Variants in MEI4 observed in about 807,000 individuals in gnomAD.
MEI4 encodes the protein meiotic double-stranded break formation protein 4.
Under a neutral mutation model 31.4 loss-of-function variants are expected in MEI4, and 27 were observed. The ratio of observed to expected loss-of-function variants is 0.86; its 90% confidence interval spans 0.63 to 1.19. The LOEUF (loss-of-function observed/expected upper bound fraction) is 1.19. Ranked by LOEUF, MEI4 falls within the 50% of genes most tolerant of loss-of-function variation. The probability of loss-of-function intolerance (pLI) is 0.00; values close to 1 mark genes in which losing one functional copy is unlikely to be tolerated. For missense variants in MEI4, 329 were observed against 398.9 expected (o/e 0.82, Z 1.49); for synonymous variants, 122 against 145.4 (o/e 0.84, Z 1.16).
chr6:77,867,624 T>G (rs971030215), intron 4 of MEI4, among the ~76,000 whole-genome samples: 34 of 152,038 alleles, frequency 2.2e-4, no homozygotes, highest in African/African-American at 7.0e-4. Flanking sequence ...TGGTGGTACT[T>G]TAAACTAGTT....
chr6:77,908,550 G>T (rs1766353523), intron 4 of MEI4, among the ~76,000 whole-genome samples: 1 of 152,048 alleles, frequency 6.6e-6, no homozygotes, highest in African/African-American at 2.4e-5. Flanking sequence ...GGTTACTGTA[G>T]CCTTGTAGTA....
At chr6:77,802,245 G>T (rs192705994) in intron 3 of MEI4, among the ~76,000 whole-genome samples, 1 of 152,042 alleles carries the variant, frequency 6.6e-6, no homozygotes. Context: ...TGTCTCTTTT[G>T]ATCTTTGTTG....
intron 2 of MEI4, among the ~76,000 whole-genome samples, chr6:77,728,702 G>A (rs968739654): frequency 1.3e-5 from 2 of 152,270 alleles, no homozygotes; most frequent in Non-Finnish European, 2.9e-5. Flanking sequence ...TGAAGGAGTG[G>A]AGCCATCCAG....
rs544758825 is a variant in MEI4, at chr6:77,811,035, T to G, written c.769-17896T>G. Among the ~76,000 whole-genome samples the G allele has an allele frequency of 3.3e-5, 5 of 152,220 alleles. No homozygotes were observed. In the South Asian group the frequency reaches 1.0e-3, roughly 31 times the overall value. ...ATTTAATTAAAACTCAATTGCAGTC[T>G]AATTTTCTTTTAACATTTGATTAAA... On this transcript the variant is annotated intron_variant, in intron 3 of 4. Coordinates refer to ENST00000684080, the MANE Select transcript of MEI4 (RefSeq NM_001322247.2).
chr6:77,704,036 A>C (rs888209998), intron 2 of MEI4, among the ~76,000 whole-genome samples: 1 of 152,194 alleles, frequency 6.6e-6, no homozygotes, highest in Non-Finnish European at 1.5e-5. Context: ...AGAGGATAAC[A>C]AAAGAATCAT....
intron 4 of MEI4, among the ~76,000 whole-genome samples, chr6:77,862,246 G>A (rs530447049): frequency 4.6e-5 from 7 of 152,230 alleles, no homozygotes; most frequent in South Asian, 2.1e-4. Flanking sequence ...TGGGTGCAGC[G>A]CACTGAGCAT....
intron 2 of MEI4, among the ~76,000 whole-genome samples, chr6:77,698,292 G>C (rs1332847793): frequency 6.6e-6 from 1 of 152,152 alleles, no homozygotes; most frequent in African/African-American, 2.4e-5. Context: ...TGTTATGTGT[G>C]AATTTGATCC....
intron 3 of MEI4, among the ~76,000 whole-genome samples, chr6:77,780,438 C>T (rs570405304): frequency 1.2e-4 from 19 of 152,280 alleles, no homozygotes; most frequent in South Asian, 1.0e-3. Context: ...AGTCAGGGCA[C>T]GGCTGCCACA....
At chr6:77,876,781 A>T (rs955924649) in intron 4 of MEI4, among the ~76,000 whole-genome samples, 5 of 152,180 alleles carry the variant, frequency 3.3e-5, no homozygotes, top group Non-Finnish European at 7.3e-5. Context: ...AAACCCATTA[A>T]AAATATTAAT....
At chr6:77,842,715 A>C (rs573534461) in intron 4 of MEI4, among the ~76,000 whole-genome samples, 10 of 152,182 alleles carry the variant, frequency 6.6e-5, no homozygotes, top group Admixed American at 2.6e-4. Flanking sequence ...AAGAAAGAAA[A>C]GGTACAACTT....
chr6:77,801,417 G>A (rs1769254255), intron 3 of MEI4, among the ~76,000 whole-genome samples: 1 of 151,978 alleles, frequency 6.6e-6, no homozygotes, highest in Admixed American at 6.6e-5. Flanking sequence ...TGTCAATTTT[G>A]TTGCTCTTTT....
chr6:77,713,459 T>C (rs375112531), intron 2 of MEI4, among the ~76,000 whole-genome samples: 9 of 152,220 alleles, frequency 5.9e-5, no homozygotes, highest in African/African-American at 1.9e-4. Context: ...AAGTAGATTA[T>C]GTTGTGGAAA....
chr6:77,739,740 A>T (rs2127672171), intron 2 of MEI4, among the ~76,000 whole-genome samples: 2 of 152,018 alleles, frequency 1.3e-5, no homozygotes, highest in Middle Eastern at 6.8e-3. Context: ...AAAAAAAAAA[A>T]TAGGAAAACC....
intron 2 of MEI4, among the ~76,000 whole-genome samples, chr6:77,732,928 T>G (rs1418308875): frequency 6.6e-6 from 1 of 151,004 alleles, no homozygotes; most frequent in East Asian, 2.2e-4. Context: ...GCTGGTTACA[T>G]TTATTGATTT....
chr6:77,694,769 T>C (rs944557147), intron 2 of MEI4, among the ~76,000 whole-genome samples: 3 of 151,954 alleles, frequency 2.0e-5, no homozygotes, highest in African/African-American at 7.3e-5. Flanking sequence ...ATCCTTTGGG[T>C]ATATACCCAG....
At chr6:77,776,362 A>G (rs1768442137) in intron 3 of MEI4, among the ~76,000 whole-genome samples, 1 of 152,032 alleles carries the variant, frequency 6.6e-6, no homozygotes, top group South Asian at 2.1e-4. Context: ...CCTTCTTCCA[A>G]ATAGGCCATG....
intron 3 of MEI4, among the ~76,000 whole-genome samples, chr6:77,804,476 G>A (rs147154955): frequency 0.021 from 3,191 of 152,216 alleles, 54 homozygotes; most frequent in South Asian, 0.035. Flanking sequence ...CCCACTTTCC[G>A]ACACTCGCCA....
At chr6:77,735,893 G>T (rs896833828) in intron 2 of MEI4, among the ~76,000 whole-genome samples, 2 of 151,692 alleles carry the variant, frequency 1.3e-5, no homozygotes, top group South Asian at 2.1e-4. Context: ...GTACCCGGCC[G>T]TGTGAGGTGT....
At chr6:77,769,211 C>G (rs1457726018) in intron 3 of MEI4, among the ~76,000 whole-genome samples, 2 of 152,130 alleles carry the variant, frequency 1.3e-5, no homozygotes, top group Non-Finnish European at 2.9e-5. Flanking sequence ...AGAGAACATA[C>G]TGATTATGGG....
Sources: allele counts gnomAD v4.1 joint callset (sites outside exome capture counted in the v4.1 genomes callset), GRCh38; gene constraint gnomAD v4.1.1; transcripts MANE v1.5; gene names NCBI Gene and HGNC (gene_info 2026-07-23, HGNC 2026-07-21).